The following PCDHA2 variants were observed in gnomAD, a reference collection of about 807,000 sequenced individuals.
PCDHA2 encodes protocadherin alpha-2.
In PCDHA2, 58 loss-of-function variants were observed where a neutral mutation model predicts 66.0. The ratio of observed to expected loss-of-function variants is 0.88; its 90% confidence interval spans 0.71 to 1.09. PCDHA2 has a LOEUF of 1.09. Among genes scored for constraint, PCDHA2 ranks in the 50% least tolerant of loss-of-function variants. The pLI, the probability that PCDHA2 is intolerant of heterozygous loss-of-function variation, is 0.00. For synonymous variants in PCDHA2, 634 were observed against 554.0 expected, an observed-to-expected ratio of 1.14 and a Z score of -2.03; for missense variants, 1,267 against 1,242.3, an observed-to-expected ratio of 1.02 and a Z score of -0.30.
At chr5:140,801,416 C>T in intron 1 of PCDHA2, 2 of 1,613,778 alleles carry the variant, frequency 1.2e-6, no homozygotes, top group Middle Eastern at 1.7e-4. Flanking sequence ...GACACGGGGA[C>T]CTTCTGGAGG....
intron 1 of PCDHA2, among the ~76,000 whole-genome samples, chr5:140,819,556 G>T (rs1363916364): frequency 2.0e-5 from 3 of 152,102 alleles, no homozygotes; most frequent in African/African-American, 7.2e-5. Context: ...TTTGATTGAA[G>T]AAAATAGCTT....
intron 1 of PCDHA2, chr5:140,850,781 G>A: frequency 6.3e-7 from 1 of 1,598,212 alleles, no homozygotes; most frequent in East Asian, 2.2e-5. Context: ...GCTCTGGCGA[G>A]GGTAAGCAGA....
At chr5:140,891,499 C>T (rs896936552) in intron 1 of PCDHA2, among the ~76,000 whole-genome samples, 1 of 151,838 alleles carries the variant, frequency 6.6e-6, no homozygotes, top group South Asian at 2.1e-4. Flanking sequence ...ATATCCTCAG[C>T]TATAATGTTC....
In PCDHA2 at chr5:140,883,674, C is replaced by A. The variant is rs782029001; in HGVS notation, c.2388+86322C>A. The A allele has an allele frequency of 4.3e-5, 70 of 1,613,620 alleles. No homozygotes were observed. The highest frequency in any genetic ancestry group is 5.8e-5 in the Non-Finnish European group (69 of 1,179,878). On this transcript the variant is annotated intron_variant, in intron 1 of 3. Transcript: ENST00000526136. ...ACGGTGTTCGTGAAGGAAAACAATC[C>A]GCCGGGCTGCCACATCTTCACGGTG...
At chr5:140,940,369 T>C (rs1554213311) in intron 1 of PCDHA2, among the ~76,000 whole-genome samples, 1 of 152,212 alleles carries the variant, frequency 6.6e-6, no homozygotes, top group Admixed American at 6.5e-5. Context: ...AAAGTATTCC[T>C]TGAGTTGTTA....
At chr5:140,965,196 AG>A (rs2095879471) in intron 1 of PCDHA2, among the ~76,000 whole-genome samples, 3 of 152,254 alleles carry the variant, frequency 2.0e-5, no homozygotes, top group Non-Finnish European at 4.4e-5. Flanking sequence ...ATGAGGCAAT[AG>A]ATTTCAAATT....
chr5:140,946,782 C>T (rs1225488337), intron 1 of PCDHA2, among the ~76,000 whole-genome samples: 1 of 151,104 alleles, frequency 6.6e-6, no homozygotes, highest in African/African-American at 2.4e-5. Flanking sequence ...TGTAAAAAAG[C>T]TGATCTTATA....
intron 1 of PCDHA2, among the ~76,000 whole-genome samples, chr5:140,976,550 C>CATAA (rs782672542): frequency 1.5e-4 from 23 of 152,064 alleles, no homozygotes; most frequent in African/African-American, 4.6e-4. Flanking sequence ...GACCCTATCT[C>CATAA]ATAAATAAAT....
chr5:140,913,572 T>C (rs1000646852), intron 1 of PCDHA2, among the ~76,000 whole-genome samples: 1 of 152,146 alleles, frequency 6.6e-6, no homozygotes, highest in Non-Finnish European at 1.5e-5. Context: ...TTTCATCATT[T>C]CAAATATATT....
chr5:140,861,353 T>C lies in PCDHA2; in HGVS notation c.2388+64001T>C, dbSNP rs79040493. The C allele has an allele frequency of 1.3e-3, 424 of 327,094 alleles. 1 individual carries two copies. Among genetic ancestry groups the C allele is most frequent in the African/African-American group, 8.5e-3 (393 of 46,466 alleles). The allele number at this position is 327,094 out of a possible 1,614,324, so 20.3% of individuals were successfully genotyped here. On this transcript the variant is annotated intron_variant, in intron 1 of 3. Coordinates refer to ENST00000526136, the MANE Select transcript of PCDHA2 (RefSeq NM_018905.3). ...CCTGGAAGAGGCCAAGGACGGCACA[T>C]AGCGTCTTCGCGGTCCCTATTGCGC...
chr5:140,803,490 C>T (rs782376383), intron 1 of PCDHA2: 3 of 1,614,230 alleles, frequency 1.9e-6, no homozygotes, highest in Admixed American at 1.7e-5. Flanking sequence ...AGAGGGGTTG[C>T]CCAAGACCGA....
chr5:141,005,335 G>A, intron 3 of PCDHA2, among the ~76,000 whole-genome samples: 1 of 152,148 alleles, frequency 6.6e-6, no homozygotes, highest in Middle Eastern at 3.2e-3. Context: ...ATAGGCCAAG[G>A]GGGTGCTGCT....
chr5:140,896,391 A>G (rs1438393041), intron 1 of PCDHA2, among the ~76,000 whole-genome samples: 2 of 152,040 alleles, frequency 1.3e-5, no homozygotes, highest in Non-Finnish European at 2.9e-5. Context: ...CCTCACCAGC[A>G]TCTGTTATTT....
At chr5:140,803,671 A>G (rs782450131) in intron 1 of PCDHA2, 2 of 1,599,252 alleles carry the variant, frequency 1.3e-6, no homozygotes, top group East Asian at 4.5e-5. Context: ...GAAATACATT[A>G]ATAGTTAAGT....
At chr5:140,852,885 A>T in intron 1 of PCDHA2, 5 of 778,116 alleles carry the variant, frequency 6.4e-6, no homozygotes, top group Non-Finnish European at 7.9e-6. Context: ...CATAAAACGT[A>T]TTTTTTTTTT....
intron 1 of PCDHA2, among the ~76,000 whole-genome samples, chr5:140,937,400 T>A (rs1210509586): frequency 6.6e-6 from 1 of 152,224 alleles, no homozygotes; most frequent in Non-Finnish European, 1.5e-5. Flanking sequence ...ATAGGGGTAT[T>A]GCACAACTTT....
intron 3 of PCDHA2, among the ~76,000 whole-genome samples, chr5:141,005,923 G>A (rs1424300772): frequency 6.6e-6 from 1 of 151,914 alleles, no homozygotes; most frequent in East Asian, 1.9e-4. Context: ...CTTCAGCCTG[G>A]TTGACAGAGT....
At chr5:140,836,285 A>G (rs1774338126) in intron 1 of PCDHA2, 1 of 1,613,756 alleles carries the variant, frequency 6.2e-7, no homozygotes, top group Non-Finnish European at 8.5e-7. Context: ...TCAGCACGAC[A>G]CGAGCCCTAG....
At chr5:141,008,923 C>T (rs2098394604) in intron 3 of PCDHA2, among the ~76,000 whole-genome samples, 1 of 152,160 alleles carries the variant, frequency 6.6e-6, no homozygotes. Flanking sequence ...ATTTATTCAG[C>T]TAATTTTTCT....
Sources: gnomAD v4.1 joint callset for allele counts (sites outside exome capture counted in the v4.1 genomes callset) on GRCh38, gnomAD v4.1.1 for gene constraint, MANE v1.5 for transcripts, NCBI Gene and HGNC (gene_info 2026-07-23, HGNC 2026-07-21) for gene names.